GPHN: variants seen among roughly 807,000 people sequenced by gnomAD.
The protein encoded by GPHN is gephyrin.
GPHN carries 17 observed loss-of-function variants against 95.5 expected under a neutral mutation model. The ratio of observed to expected loss-of-function variants is 0.18; its 90% confidence interval spans 0.12 to 0.27. The LOEUF is 0.27. GPHN is among the 10% of genes least tolerant of loss of function. GPHN has a pLI of 1.00. For synonymous variants in GPHN, 320 were observed against 322.5 expected (o/e 0.99, Z 0.08); for missense variants, 660 against 978.1 (o/e 0.67, Z 4.34).
chr14:67,404,785 G>C, the GPHN span, among the ~76,000 whole-genome samples: 15 of 151,974 alleles, frequency 9.9e-5, no homozygotes, highest in Non-Finnish European at 1.5e-5. Flanking sequence ...ACTCCATCCT[G>C]GGCAACAGAG....
chr14:67,734,852 A>G, the GPHN span, among the ~76,000 whole-genome samples: 2 of 152,162 alleles, frequency 1.3e-5, no homozygotes, highest in African/African-American at 4.8e-5. Flanking sequence ...AGGAGGCTCC[A>G]CTTGCAGAAT....
chr14:66,830,105 A>G (rs1377780710), intron 4 of GPHN, among the ~76,000 whole-genome samples: 3 of 152,198 alleles, frequency 2.0e-5, no homozygotes, highest in Admixed American at 2.0e-4. Context: ...CGCATAGCCT[A>G]TAAAGCCTGA....
chr14:66,937,844 A>G (rs1424219482), intron 8 of GPHN, among the ~76,000 whole-genome samples: 1 of 152,176 alleles, frequency 6.6e-6, no homozygotes, highest in Non-Finnish European at 1.5e-5. Flanking sequence ...AAAGGTCTCT[A>G]TTTTTGCCAA....
chr14:67,467,890 T>C, the GPHN span: 1 of 152,094 alleles, frequency 6.6e-6, no homozygotes, highest in Non-Finnish European at 1.5e-5. Flanking sequence ...AATGAGAGCA[T>C]GCATGCAGGG....
At chr14:66,811,722 TA>T (rs922939625) in intron 3 of GPHN, among the ~76,000 whole-genome samples, 7 of 152,168 alleles carry the variant, frequency 4.6e-5, no homozygotes, top group Non-Finnish European at 1.0e-4. Context: ...GAGCAGTGAG[TA>T]AAATGGCTTG....
chr14:66,875,926 C>G (rs2063644294), intron 4 of GPHN, among the ~76,000 whole-genome samples: 1 of 152,136 alleles, frequency 6.6e-6, no homozygotes, highest in Admixed American at 6.5e-5. Flanking sequence ...ACAGAACTCT[C>G]CACCCCAAAT....
intron 2 of GPHN, among the ~76,000 whole-genome samples, chr14:66,742,162 C>A (rs1418510741): frequency 6.6e-6 from 1 of 152,160 alleles, no homozygotes; most frequent in African/African-American, 2.4e-5. Flanking sequence ...TTCTTATATC[C>A]CCCAGGGTGG....
rs555902982 is a variant in GPHN at position 67,129,433 on chromosome 14, T to A, written c.1748+7056T>A. Among the ~76,000 whole-genome samples the A allele has an allele frequency of 5.0e-4, 76 of 152,312 alleles. 1 individual carries two copies. The highest frequency in any genetic ancestry group is 5.0e-3 in the Admixed American group (76 of 15,298). ...TTTTAAGTAAAATTATAATATTTTG[T>A]AATACAACAAAAGTTTAAATCAAAA... On this transcript the variant is annotated intron_variant, in intron 17 of 22. Transcript: ENST00000478722.
intron 1 of GPHN, among the ~76,000 whole-genome samples, chr14:66,658,473 G>T (rs947182008): frequency 2.6e-5 from 4 of 152,128 alleles, no homozygotes; most frequent in African/African-American, 9.7e-5. Context: ...GTACAGAGAA[G>T]TATTTTGTCA....
chr14:67,705,571 A>G, the GPHN span, among the ~76,000 whole-genome samples: 1 of 152,196 alleles, frequency 6.6e-6, no homozygotes, highest in East Asian at 1.9e-4. Flanking sequence ...CTGGACCAGA[A>G]ATAGGACATT....
At chr14:66,561,314 T>C (rs562357134) in intron 1 of GPHN, among the ~76,000 whole-genome samples, 1 of 152,332 alleles carries the variant, frequency 6.6e-6, no homozygotes, top group Admixed American at 6.5e-5. Context: ...TCAGAAGGAA[T>C]GGTACCAGTT....
chr14:67,334,702 T>C, the GPHN span: 1 of 152,408 alleles, frequency 6.6e-6, no homozygotes, highest in South Asian at 2.1e-4. Flanking sequence ...AGGGAAGGAA[T>C]GCCATACACT....
At chr14:67,576,790 G>A in the GPHN span, among the ~76,000 whole-genome samples, 1 of 152,168 alleles carries the variant, frequency 6.6e-6, no homozygotes, top group Admixed American at 6.5e-5. The surrounding 1 kb of genome is among the most constrained non-coding windows in gnomAD (Gnocchi z 4.0). Context: ...GCAGAGGGCT[G>A]AGGAAAGAAG....
At chr14:67,351,703 T>G in the GPHN span, among the ~76,000 whole-genome samples, 6 of 151,940 alleles carry the variant, frequency 3.9e-5, no homozygotes, top group African/African-American at 7.3e-5. Context: ...TTCTTTTTTG[T>G]AGAGACAAGG....
In GPHN at chr14:67,057,416, G is replaced by C. The variant is rs760543463; in HGVS notation, c.1007-1233G>C. Among the ~76,000 whole-genome samples, 220 of 151,052 alleles carry C rather than the reference G, an allele frequency of 1.5e-3. 1 individual carries two copies. The highest frequency in any genetic ancestry group is 7.8e-4 in the Non-Finnish European group (53 of 67,958). On this transcript the variant is annotated intron_variant, in intron 10 of 22. Transcript: ENST00000478722. Reference sequence around the variant, plus strand: ...AGAACACATGGGCACATGGGTGGGGGGGGCAACAGCACACACTGGGTCCTG... The same window carrying C: ...AGAACACATGGGCACATGGGTGGGGCGGGCAACAGCACACACTGGGTCCTG...
the GPHN span, among the ~76,000 whole-genome samples, chr14:67,327,205 G>A: frequency 6.6e-6 from 1 of 152,154 alleles, no homozygotes; most frequent in Admixed American, 6.5e-5. Context: ...GAGCTAGTAT[G>A]ACTGAAGCTG....
the GPHN span, among the ~76,000 whole-genome samples, chr14:67,412,412 A>T: frequency 6.6e-6 from 1 of 152,186 alleles, no homozygotes; most frequent in Non-Finnish European, 1.5e-5. Context: ...CACTTAGCGC[A>T]TTGCCCTCGA....
the GPHN span, chr14:67,556,019 G>A: frequency 3.9e-5 from 47 of 1,211,914 alleles, no homozygotes; most frequent in Middle Eastern, 5.6e-4. Context: ...ATGAGTGTGC[G>A]TGGAGCTTTC....
chr14:67,011,712 AT>A (rs1472024495), intron 9 of GPHN, among the ~76,000 whole-genome samples: 1 of 151,178 alleles, frequency 6.6e-6, no homozygotes, highest in Non-Finnish European at 1.5e-5. Flanking sequence ...TTCTGCTTAT[AT>A]TTATTTTCAA....
Sources: allele counts gnomAD v4.1 joint callset (sites outside exome capture counted in the v4.1 genomes callset), GRCh38; gene constraint gnomAD v4.1.1; non-coding constraint Gnocchi (gnomAD v3.1); transcripts MANE v1.5; gene names NCBI Gene and HGNC (gene_info 2026-07-23, HGNC 2026-07-21).